Variants in CCNY observed in about 807,000 individuals in gnomAD.
CCNY encodes cyclin-Y.
Under a neutral mutation model 42.8 loss-of-function variants are expected in CCNY, and 19 were observed. The ratio of observed to expected loss-of-function variants is 0.44; its 90% CI spans 0.31 to 0.65. The LOEUF is 0.65. Ranked by LOEUF, CCNY falls within the 30% of genes least tolerant of loss-of-function variation. CCNY has a pLI of 0.07. For synonymous variants in CCNY, 165 were observed against 162.7 expected (o/e 1.01, Z -0.11); for missense variants, 370 against 437.3 (o/e 0.85, Z 1.37).
intron 1 of CCNY, among the ~76,000 whole-genome samples, chr10:35,473,932 GGTGCGCGCACCAT>G (rs1221860311): frequency 6.6e-6 from 1 of 152,144 alleles, no homozygotes; most frequent in African/African-American, 2.4e-5. Flanking sequence ...CAGGTCAGTG[GGTGCGCGCACCAT>G]GCGCGAGCCG....
rs779256828 is a variant in CCNY, at chr10:35,261,849, C to T, written c.-9+11223C>T. The stretch of plus-strand genomic sequence containing the variant: ...CAGCCTGGCCAAAATGGCAAAACCC[C>T]GTCTCTACTAAAAACACAAAAATTA... On this transcript the variant is annotated intron_variant, in intron 3 of 11. Transcript: ENST00000374706. Among the ~76,000 whole-genome samples the T allele has an allele frequency of 8.7e-4, 132 of 152,000 alleles. 1 individual carries two copies. The highest frequency in any genetic ancestry group is 1.5e-3 in the Non-Finnish European group (104 of 67,976).
At chr10:35,478,851 C>A (rs1456016840) in intron 1 of CCNY, among the ~76,000 whole-genome samples, 2 of 152,146 alleles carry the variant, frequency 1.3e-5, no homozygotes, top group Non-Finnish European at 2.9e-5. Flanking sequence ...AGTGAACAGG[C>A]AACCTACTCA....
rs937784074 is a variant in CCNY, at chr10:35,530,999, G to A, written c.579+756G>A. ...GTGAAAGGATCACTTAAGCCCAGGA[G>A]GTCAGGCTGCAGTGAGCTATGATCA... On this transcript the variant is annotated intron_variant, in intron 7 of 9. Coordinates refer to ENST00000374704, the MANE Select transcript of CCNY (RefSeq NM_145012.6). The surrounding 1 kb of genome is among the most constrained non-coding windows in gnomAD (Gnocchi z 4.3). 6.6e-6 allele frequency among the ~76,000 whole-genome samples: 1 copy of A among 152,172 alleles called. No individual in the cohort carries two copies. Among genetic ancestry groups the A allele is most frequent in the Admixed American group, 6.5e-5 (1 of 15,280 alleles).
chr10:35,436,318 G>T (rs1353599164), intron 1 of CCNY, among the ~76,000 whole-genome samples: 1 of 152,222 alleles, frequency 6.6e-6, no homozygotes, highest in Non-Finnish European at 1.5e-5. Flanking sequence ...CCCTCAGCAG[G>T]TATCTAGAAA....
intron 2 of CCNY, among the ~76,000 whole-genome samples, chr10:35,498,102 C>CAGGTT (rs1453976330): frequency 6.6e-6 from 1 of 152,150 alleles, no homozygotes; most frequent in Non-Finnish European, 1.5e-5. Context: ...TGGAGCCACA[C>CAGGTT]AGGTTGCACT....
At chr10:35,390,600 G>A (rs1361502001) in intron 1 of CCNY, among the ~76,000 whole-genome samples, 2 of 152,116 alleles carry the variant, frequency 1.3e-5, no homozygotes, top group Non-Finnish European at 2.9e-5. Context: ...CCTTACTTCA[G>A]TGCCTTGGAA....
chr10:35,257,174 G>A (rs1018701795), intron 3 of CCNY, among the ~76,000 whole-genome samples: 2 of 151,652 alleles, frequency 1.3e-5, no homozygotes, highest in African/African-American at 4.9e-5. Flanking sequence ...GGCAGGTCTA[G>A]TGGTAATTCT....
chr10:35,519,177 T>C (rs1840492470), intron 4 of CCNY, among the ~76,000 whole-genome samples: 1 of 152,022 alleles, frequency 6.6e-6, no homozygotes, highest in African/African-American at 2.4e-5. Context: ...TCTGGATTTT[T>C]AACAGATCTT....
chr10:35,346,220 G>A (rs1184388456), intron 1 of CCNY, among the ~76,000 whole-genome samples: 1 of 152,174 alleles, frequency 6.6e-6, no homozygotes, highest in Non-Finnish European at 1.5e-5. Flanking sequence ...TTTAGGAAAG[G>A]AATCTAACTG....
At chr10:35,526,498 AAACTCT>A (rs1481687082) in intron 5 of CCNY, among the ~76,000 whole-genome samples, 1 of 152,224 alleles carries the variant, frequency 6.6e-6, no homozygotes, top group East Asian at 1.9e-4. Context: ...GAGTGAAAAA[AAACTCT>A]ACCTTATACA....
At chr10:35,478,289 T>C (rs1276460386) in intron 1 of CCNY, among the ~76,000 whole-genome samples, 3 of 151,336 alleles carry the variant, frequency 2.0e-5, no homozygotes, top group African/African-American at 7.3e-5. Context: ...AAAAAACTAC[T>C]TTAAAGTTCA....
At chr10:35,257,762 T>C (rs1199366035) in intron 3 of CCNY, among the ~76,000 whole-genome samples, 1 of 152,184 alleles carries the variant, frequency 6.6e-6, no homozygotes, top group Non-Finnish European at 1.5e-5. Context: ...TTCTTGGATG[T>C]TTATATTCAT....
At chr10:35,538,423 C>T (rs1236499890) in intron 7 of CCNY, among the ~76,000 whole-genome samples, 1 of 152,184 alleles carries the variant, frequency 6.6e-6, no homozygotes, top group African/African-American at 2.4e-5. Flanking sequence ...TTCAGATTTC[C>T]TTTGGCAACA....
chr10:35,371,475 C>T (rs1033066310), intron 1 of CCNY, among the ~76,000 whole-genome samples: 7 of 152,192 alleles, frequency 4.6e-5, no homozygotes, highest in African/African-American at 1.4e-4. Flanking sequence ...CACTTTCCTT[C>T]TCAGTGACCT....
intron 2 of CCNY, among the ~76,000 whole-genome samples, chr10:35,500,977 C>T (rs527869596): frequency 4.6e-5 from 7 of 152,252 alleles, no homozygotes; most frequent in African/African-American, 1.7e-4. Flanking sequence ...CAGACAGAAG[C>T]CCAGCTGTAT....
intron 1 of CCNY, among the ~76,000 whole-genome samples, chr10:35,420,799 A>G (rs928609095): frequency 1.3e-5 from 2 of 152,224 alleles, no homozygotes; most frequent in African/African-American, 4.8e-5. Context: ...CTGAATGTGA[A>G]CGGAGACTAA....
At chr10:35,561,032 G>A (rs971715875) in intron 8 of CCNY, among the ~76,000 whole-genome samples, 8 of 152,180 alleles carry the variant, frequency 5.3e-5, no homozygotes, top group Non-Finnish European at 8.8e-5. Context: ...AGATGACACA[G>A]CCTGTAGAAC....
intron 2 of CCNY, among the ~76,000 whole-genome samples, chr10:35,491,900 G>C: frequency 6.6e-6 from 1 of 151,702 alleles, no homozygotes; most frequent in East Asian, 1.9e-4. Flanking sequence ...AGGTGTGAGC[G>C]ACCACGCCCG....
chr10:35,542,852 T>C (rs1036415142), intron 7 of CCNY, among the ~76,000 whole-genome samples: 2 of 152,212 alleles, frequency 1.3e-5, no homozygotes, highest in Non-Finnish European at 2.9e-5. Flanking sequence ...TCCAGACATA[T>C]TCAGTTGTTC....
Sources: gnomAD v4.1 joint callset for allele counts (sites outside exome capture counted in the v4.1 genomes callset) on GRCh38, gnomAD v4.1.1 for gene constraint, Gnocchi (gnomAD v3.1) non-coding constraint, MANE v1.5 for transcripts, NCBI Gene and HGNC (gene_info 2026-07-23, HGNC 2026-07-21) for gene names.